The following KIAA0825 variants were observed in gnomAD, a reference collection of about 807,000 sequenced individuals.
KIAA0825 encodes uncharacterized protein KIAA0825.
Under a neutral mutation model 147.6 loss-of-function variants are expected in KIAA0825, and 119 were observed. The observed-to-expected ratio is 0.81, with a 90% confidence interval of 0.69 to 0.94. KIAA0825 has a LOEUF of 0.94. Ranked by LOEUF, KIAA0825 falls within the 40% of genes least tolerant of loss-of-function variation. The pLI is 0.00. For missense variants in KIAA0825, 1,381 were observed against 1,472.7 expected (o/e 0.94, Z 1.02); for synonymous variants, 470 against 518.1 (o/e 0.91, Z 1.26).
At chr5:94,553,405 A>C (rs1026793591) in intron 2 of KIAA0825, among the ~76,000 whole-genome samples, 33 of 148,024 alleles carry the variant, frequency 2.2e-4, no homozygotes, top group African/African-American at 7.3e-4. Flanking sequence ...ACACCATTGC[A>C]CTCCAGCCTG....
intron 19 of KIAA0825, 33 bp from the exon 20 acceptor site, chr5:94,384,491 T>C (rs1180405490): frequency 6.7e-6 from 10 of 1,492,272 alleles, no homozygotes; most frequent in Non-Finnish European, 8.2e-6. Context: ...ACACTATTGT[T>C]AGTTATTAAT....
chr5:94,601,535 G>A (rs1459320411), intron 1 of KIAA0825, among the ~76,000 whole-genome samples: 1 of 152,166 alleles, frequency 6.6e-6, no homozygotes, highest in Admixed American at 6.6e-5. Flanking sequence ...CAAGGTTTTG[G>A]AAAGGGGCTG....
rs989395811 is a variant in KIAA0825 at position 94,151,273 on chromosome 5, C to A, written c.*2734G>T. On this transcript the variant is annotated 3_prime_UTR_variant, in exon 21 of 21. Coordinates refer to ENST00000682413, the MANE Select transcript of KIAA0825 (RefSeq NM_001145678.3). ...TCTACTAAAAATACAAAAAAGTAGC[C>A]GGGCGCGGTGGCGGGCGCCTGTAGT... Among the ~76,000 whole-genome samples, 2 of 150,608 alleles carry A rather than the reference C, an allele frequency of 1.3e-5. No homozygotes were observed. Among genetic ancestry groups the A allele is most frequent in the African/African-American group, 4.9e-5 (2 of 41,036 alleles).
At chr5:94,440,990 C>T (rs571512686) in intron 13 of KIAA0825, among the ~76,000 whole-genome samples, 2 of 151,974 alleles carry the variant, frequency 1.3e-5, no homozygotes, top group East Asian at 1.9e-4. Flanking sequence ...AGGAATAGGG[C>T]GGCACAGGGA....
intron 2 of KIAA0825, among the ~76,000 whole-genome samples, chr5:94,563,749 A>G (rs1045160511): frequency 3.4e-4 from 51 of 152,084 alleles, no homozygotes; most frequent in African/African-American, 1.1e-3. Context: ...CAATGGTGCA[A>G]TCTCGGCTCA....
Position 94,566,832 on chromosome 5 carries a change from T to C in KIAA0825, c.-2+15601A>G, listed in dbSNP as rs748651077. Among the ~76,000 whole-genome samples, 11 of 152,314 alleles carry C rather than the reference T, an allele frequency of 7.2e-5. 1 individual carries two copies. The highest frequency in any genetic ancestry group is 6.2e-4 in the South Asian group (3 of 4,828). On this transcript the variant is annotated intron_variant, in intron 2 of 20. Transcript: ENST00000682413. ...GCTAGATGAAGTACATTCTCAATTT[T>C]AATTTTTAGTAATGAAATACATAAA... is the stretch of plus-strand genomic sequence containing the variant.
At chr5:94,401,107 T>C (rs1751315595) in intron 16 of KIAA0825, among the ~76,000 whole-genome samples, 2 of 152,184 alleles carry the variant, frequency 1.3e-5, no homozygotes, top group Admixed American at 6.6e-5. Context: ...ATGTTTTGGA[T>C]ACTTAGTGTA....
chr5:94,558,140 C>T (rs1227185450), intron 2 of KIAA0825, among the ~76,000 whole-genome samples: 1 of 152,182 alleles, frequency 6.6e-6, no homozygotes, highest in Non-Finnish European at 1.5e-5. Context: ...ACACTCACCG[C>T]ATGGCCCAAG....
At chr5:94,293,406 T>C (rs556828908) in intron 20 of KIAA0825, among the ~76,000 whole-genome samples, 1 of 152,358 alleles carries the variant, frequency 6.6e-6, no homozygotes, top group East Asian at 1.9e-4. Flanking sequence ...TCAGTTTCCA[T>C]GTAGTTGTGC....
intron 5 of KIAA0825, among the ~76,000 whole-genome samples, chr5:94,497,988 A>G (rs1764582690): frequency 6.6e-6 from 1 of 151,886 alleles, no homozygotes; most frequent in Non-Finnish European, 1.5e-5. Flanking sequence ...TTCACACTAG[A>G]ATTTCCAGGC....
intron 20 of KIAA0825, among the ~76,000 whole-genome samples, chr5:94,271,786 C>T (rs902617603): frequency 1.3e-5 from 2 of 151,820 alleles, no homozygotes; most frequent in African/African-American, 4.8e-5. Flanking sequence ...AATAGACCTA[C>T]CCTATGATCC....
intron 20 of KIAA0825, among the ~76,000 whole-genome samples, chr5:94,357,304 C>T (rs1784394287): frequency 1.3e-5 from 2 of 151,970 alleles, no homozygotes; most frequent in African/African-American, 2.4e-5. Flanking sequence ...CATCCTCAAG[C>T]CTTTCATGTA....
chr5:94,314,150 T>C (rs1316854937), intron 20 of KIAA0825, among the ~76,000 whole-genome samples: 1 of 151,548 alleles, frequency 6.6e-6, no homozygotes, highest in Non-Finnish European at 1.5e-5. Flanking sequence ...ACACATATGC[T>C]GTAACACATT....
Position 94,496,927 on chromosome 5 carries a change from A to G in KIAA0825, c.971-11997T>C, listed in dbSNP as rs576646157. Among the ~76,000 whole-genome samples, 28 of 152,266 alleles carry G rather than the reference A, an allele frequency of 1.8e-4. 1 individual carries two copies. In the South Asian group the frequency reaches 5.6e-3, roughly 30 times the overall value. ...ACTGTCACCGGACTCTCTCCCCTAT[A>G]TGTGAGCCCCTGATAAAATCCCATG... On this transcript the variant is annotated intron_variant, in intron 5 of 20. Coordinates refer to ENST00000682413, the MANE Select transcript of KIAA0825 (RefSeq NM_001145678.3).
At chr5:94,261,348 A>G (rs545251432) in intron 20 of KIAA0825, among the ~76,000 whole-genome samples, 1 of 152,226 alleles carries the variant, frequency 6.6e-6, no homozygotes, top group East Asian at 1.9e-4. Flanking sequence ...ATACATACAT[A>G]AAATAACGTG....
At chr5:94,337,152 T>G (rs1781892193) in intron 20 of KIAA0825, among the ~76,000 whole-genome samples, 1 of 152,152 alleles carries the variant, frequency 6.6e-6, no homozygotes. Flanking sequence ...TGCAGATTTG[T>G]ATAAAGAAAC....
At chr5:94,237,478 T>C (rs1315072056) in intron 20 of KIAA0825, among the ~76,000 whole-genome samples, 1 of 152,112 alleles carries the variant, frequency 6.6e-6, no homozygotes, top group Non-Finnish European at 1.5e-5. Flanking sequence ...GCCAGCAAGG[T>C]AAAAGCGAAA....
At chr5:94,268,175 T>G (rs778978713) in intron 20 of KIAA0825, among the ~76,000 whole-genome samples, 73 of 152,136 alleles carry the variant, frequency 4.8e-4, no homozygotes, top group Non-Finnish European at 7.3e-5. Flanking sequence ...GAATATCAAG[T>G]GAGATTTTTA....
At chr5:94,230,031 A>G (rs1349398323) in intron 20 of KIAA0825, among the ~76,000 whole-genome samples, 4 of 152,184 alleles carry the variant, frequency 2.6e-5, no homozygotes, top group Non-Finnish European at 5.9e-5. Flanking sequence ...CCAAATCCCT[A>G]AAGAACTCTT....
Sources: gnomAD v4.1 joint callset for allele counts (sites outside exome capture counted in the v4.1 genomes callset) on GRCh38, gnomAD v4.1.1 for gene constraint, MANE v1.5 for transcripts, NCBI Gene and HGNC (gene_info 2026-07-23, HGNC 2026-07-21) for gene names.